Variants in MERTK observed in about 807,000 individuals in gnomAD.
The protein encoded by MERTK is tyrosine-protein kinase Mer.
MERTK carries 69 observed loss-of-function variants against 99.3 expected under a neutral mutation model. That is an observed-to-expected ratio of 0.70 (90% CI 0.57 to 0.85). The LOEUF is 0.85. Ranked by LOEUF, MERTK falls within the 40% of genes least tolerant of loss-of-function variation. The pLI is 0.00. For missense variants in MERTK, 1,125 were observed against 1,249.4 expected (o/e 0.90, Z 1.50); for synonymous variants, 426 against 467.6 (o/e 0.91, Z 1.15).
intron 6 of MERTK, among the ~76,000 whole-genome samples, chr2:111,968,460 G>A (rs1221716348): frequency 6.6e-6 from 1 of 152,132 alleles, no homozygotes; most frequent in Non-Finnish European, 1.5e-5. Flanking sequence ...GCAGGATTCA[G>A]GGCTCAGTCA....
intron 4 of MERTK, among the ~76,000 whole-genome samples, chr2:111,955,104 C>G (rs903622826): frequency 1.3e-5 from 2 of 151,956 alleles, no homozygotes; most frequent in Non-Finnish European, 2.9e-5. Context: ...GAAATTGACC[C>G]CTAAGTAAAC....
rs966454109 is a variant in MERTK, at chr2:112,003,160, C to T, written c.1759C>T (p.Leu587=). 79 of 1,596,502 alleles carry T rather than the reference C, an allele frequency of 4.9e-5. No homozygotes were observed. The highest frequency in any genetic ancestry group is 6.4e-5 in the Non-Finnish European group (74 of 1,164,550). Residue 587 remains leucine (L), a synonymous_variant, in exon 12 of 19, where the codon CTA becomes TTA. Coordinates refer to ENST00000295408, the MANE Select transcript of MERTK (RefSeq NM_006343.3). ...LEDVVIDRNL[L]ILGKILGEGE... is the part of the protein sequence containing the mutation. ...AGATGTTGTGATTGACAGGAATCTT[C>T]TAATTCTTGGAAAAATTCTGGGTGA...
At chr2:111,941,748 G>C (rs1207843094) in intron 2 of MERTK, among the ~76,000 whole-genome samples, 1 of 152,194 alleles carries the variant, frequency 6.6e-6, no homozygotes, top group African/African-American at 2.4e-5. Flanking sequence ...GGTGGCATGG[G>C]TCAGGCCTTG....
intron 7 of MERTK, among the ~76,000 whole-genome samples, chr2:111,980,662 C>T (rs1676353078): frequency 6.6e-6 from 1 of 152,106 alleles, no homozygotes; most frequent in African/African-American, 2.4e-5. Flanking sequence ...TCGTGACCCA[C>T]CCGCCTCGGC....
At chr2:111,989,602 G>A (rs897971449) in intron 8 of MERTK, among the ~76,000 whole-genome samples, 2 of 152,026 alleles carry the variant, frequency 1.3e-5, no homozygotes, top group South Asian at 2.1e-4. Flanking sequence ...TGATCCACCC[G>A]CCTCGGCCTC....
At chr2:111,942,769 A>G (rs1348083567) in intron 2 of MERTK, among the ~76,000 whole-genome samples, 1 of 152,162 alleles carries the variant, frequency 6.6e-6, no homozygotes, top group Admixed American at 6.5e-5. Flanking sequence ...AGATTTACAC[A>G]TCAGGAAATG....
intron 1 of MERTK, among the ~76,000 whole-genome samples, chr2:111,901,318 C>T (rs1684038671): frequency 6.6e-6 from 1 of 152,152 alleles, no homozygotes; most frequent in South Asian, 2.1e-4. Context: ...GTAAATTAGG[C>T]TTTTAAGATT....
At chr2:111,900,939 T>G (rs1684032182) in intron 1 of MERTK, among the ~76,000 whole-genome samples, 1 of 152,076 alleles carries the variant, frequency 6.6e-6, no homozygotes, top group Non-Finnish European at 1.5e-5. Context: ...AGAGAGACAA[T>G]GAGAATATGT....
chr2:111,910,977 T>C (rs1310128741), intron 1 of MERTK, among the ~76,000 whole-genome samples: 1 of 152,132 alleles, frequency 6.6e-6, no homozygotes, highest in Non-Finnish European at 1.5e-5. Context: ...TCCATAGATA[T>C]GTACAATTAT....
At chr2:111,941,416 G>A (rs1003640703) in intron 2 of MERTK, among the ~76,000 whole-genome samples, 2 of 152,172 alleles carry the variant, frequency 1.3e-5, no homozygotes, top group African/African-American at 4.8e-5. Context: ...CGGGGGCCCG[G>A]TTAGGAAACA....
chr2:111,932,225 A>G (rs1160508925), intron 2 of MERTK, among the ~76,000 whole-genome samples: 1 of 152,222 alleles, frequency 6.6e-6, no homozygotes, highest in Non-Finnish European at 1.5e-5. Context: ...TCTGTCGCCC[A>G]GGCTGGAGTG....
At chr2:111,994,007 C>T (rs188911742) in intron 8 of MERTK, among the ~76,000 whole-genome samples, 8 of 152,348 alleles carry the variant, frequency 5.3e-5, no homozygotes, top group Admixed American at 6.5e-5. Context: ...TTTAGGACCA[C>T]TCTAAGTGCC....
intron 9 of MERTK, chr2:111,994,855 T>C (rs1475923758): frequency 3.3e-6 from 1 of 304,950 alleles, no homozygotes; most frequent in Admixed American, 4.7e-5. Context: ...TATGATATGA[T>C]AACATGCTTT....
rs202242962 is a variant in MERTK, at chr2:111,994,288, G to A, written c.1334G>A (p.Arg445Gln). Residue 445 changes from arginine (R) to glutamine (Q), a missense_variant, in exon 9 of 19, where the codon CGA becomes CAA. By Grantham distance (43) the Arg-to-Gln change is conservative. Coordinates refer to ENST00000295408, the MANE Select transcript of MERTK (RefSeq NM_006343.3). ...LLEEVGQNGS[R>Q]ARISVQVHNA... Reference sequence around the variant, plus strand: ...GAGGAAGTTGGCCAGAATGGCAGCCGAGCTCGGATCTCTGTTCAAGTCCAC... The same window carrying A: ...GAGGAAGTTGGCCAGAATGGCAGCCAAGCTCGGATCTCTGTTCAAGTCCAC... 44 of 1,614,128 alleles carry A rather than the reference G, an allele frequency of 2.7e-5. 1 individual carries two copies. Among genetic ancestry groups the A allele is most frequent in the East Asian group, 2.0e-4 (9 of 44,874 alleles).
intron 3 of MERTK, among the ~76,000 whole-genome samples, chr2:111,945,521 G>A (rs1219777879): frequency 6.6e-6 from 1 of 152,190 alleles, no homozygotes; most frequent in Non-Finnish European, 1.5e-5. Context: ...TCCTCGACTG[G>A]CTCAACAGCT....
chr2:111,961,237 C>T (rs1685244989), intron 4 of MERTK, among the ~76,000 whole-genome samples: 3 of 142,606 alleles, frequency 2.1e-5, no homozygotes, highest in Non-Finnish European at 4.5e-5. Context: ...TCTCGGCTCA[C>T]TGCAAGCTCC....
intron 6 of MERTK, among the ~76,000 whole-genome samples, chr2:111,970,188 G>T (rs146918702): frequency 6.0e-5 from 9 of 149,712 alleles, no homozygotes; most frequent in African/African-American, 2.2e-4. Context: ...ACGTAGTCTC[G>T]CTCTGTTACC....
Position 112,021,125 on chromosome 2 carries a change from G to A in MERTK, c.2190-297G>A, listed in dbSNP as rs1031124963. ...TGAGGCAGGAAAATTGCTTGAACCC[G>A]GGAAGCAGAGTTTGCTGTGAGCCGA... On this transcript the variant is annotated intron_variant, in intron 16 of 18. Transcript: ENST00000295408. Among the ~76,000 whole-genome samples, 11 of 151,868 alleles carry A rather than the reference G, an allele frequency of 7.2e-5. 1 individual carries two copies. Among genetic ancestry groups the A allele is most frequent in the African/African-American group, 2.4e-4 (10 of 41,324 alleles).
At chr2:112,008,651 A>G in intron 14 of MERTK, 176 bp downstream of exon 14, 1 of 703,480 alleles carries the variant, frequency 1.4e-6, no homozygotes. Flanking sequence ...TGAGGCTAAT[A>G]GTAATAATGA....
Sources: allele counts gnomAD v4.1 joint callset (sites outside exome capture counted in the v4.1 genomes callset), GRCh38; gene constraint gnomAD v4.1.1; transcripts MANE v1.5; gene names NCBI Gene and HGNC (gene_info 2026-07-23, HGNC 2026-07-21).